Variants in GFRA1 observed in about 807,000 individuals in gnomAD.
GFRA1 encodes GDNF family receptor alpha 1.
Under a neutral mutation model 51.6 loss-of-function variants are expected in GFRA1, and 16 were observed. The observed-to-expected ratio is 0.31, with a 90% CI of 0.21 to 0.47. GFRA1 has a LOEUF of 0.47. Among genes scored for constraint, GFRA1 ranks in the 20% least tolerant of loss-of-function variants. The probability of loss-of-function intolerance (pLI) is 1.00; values close to 1 mark genes in which losing one functional copy is unlikely to be tolerated. For missense variants in GFRA1, 530 were observed against 594.3 expected (o/e 0.89, Z 1.13); for synonymous variants, 270 against 241.3 (o/e 1.12, Z -1.10).
chr10:116,271,654 C>T (rs1843949485), intron 2 of GFRA1, among the ~76,000 whole-genome samples: 1 of 152,192 alleles, frequency 6.6e-6, no homozygotes, highest in Non-Finnish European at 1.5e-5. Context: ...CCCCAATGCT[C>T]CCCAACTCCA....
At chr10:116,140,293 CAG>C (rs1239485849) in intron 5 of GFRA1, among the ~76,000 whole-genome samples, 1 of 152,186 alleles carries the variant, frequency 6.6e-6, no homozygotes, top group Non-Finnish European at 1.5e-5. Context: ...AAGGCTTTCT[CAG>C]AGTTTCTGTT....
At chr10:116,090,023 G>T in intron 8 of GFRA1, 101 bp from the exon 9 acceptor site, 1 of 1,092,498 alleles carries the variant, frequency 9.2e-7, no homozygotes, top group Non-Finnish European at 1.4e-6. Flanking sequence ...TCTGATTATA[G>T]CATTGGACTT....
intron 4 of GFRA1, among the ~76,000 whole-genome samples, chr10:116,217,400 G>A (rs1965635580): frequency 6.6e-6 from 1 of 152,248 alleles, no homozygotes; most frequent in South Asian, 2.1e-4. Context: ...CAGGCCACAA[G>A]TACTTTGTAG....
chr10:116,194,455 A>G (rs1327174704), intron 5 of GFRA1, among the ~76,000 whole-genome samples: 1 of 152,128 alleles, frequency 6.6e-6, no homozygotes, highest in East Asian at 1.9e-4. Flanking sequence ...ATCGAAAGGG[A>G]GTTTGAAAGG....
At chr10:116,078,928 C>G (rs1565558083) in intron 9 of GFRA1, among the ~76,000 whole-genome samples, 1 of 152,080 alleles carries the variant, frequency 6.6e-6, no homozygotes, top group Non-Finnish European at 1.5e-5. Flanking sequence ...GTTTTCTAAT[C>G]CCATTCAATC....
At chr10:116,111,274 ACTGT>A (rs1001003200) in intron 6 of GFRA1, among the ~76,000 whole-genome samples, 1 of 152,142 alleles carries the variant, frequency 6.6e-6, no homozygotes, top group African/African-American at 2.4e-5. Context: ...GAGACAACAG[ACTGT>A]CTACTTCTTC....
intron 4 of GFRA1, among the ~76,000 whole-genome samples, chr10:116,212,523 AACACAC>A (rs71010072): frequency 0.11 from 15,831 of 142,572 alleles, 1,019 homozygotes; most frequent in African/African-American, 0.18. Context: ...TCCGTCTCAA[AACACAC>A]ACACACACAC....
chr10:116,059,536 G>A lies in GFRA1; in HGVS notation c.*4862C>T, dbSNP rs192366990. On this transcript the variant is annotated 3_prime_UTR_variant, in exon 11 of 11. Transcript: ENST00000355422. ...CAGCTGCGCTGGTCAAATGAGCTTG[G>A]AGACCTTAGGGGGCTGAGACCTCAA... 2.6e-4 allele frequency: 40 copies of A among 152,432 alleles called. No individual in the cohort carries two copies. In the East Asian group the frequency reaches 7.5e-3, roughly 29 times the overall value. The allele number at this position is 152,432 out of a possible 1,614,324, so 9.4% of individuals were successfully genotyped here. A position where few individuals can be genotyped will look rare whatever the true frequency, so the allele number is the denominator to read the frequency against.
chr10:116,112,901 C>T (rs1410277116), intron 6 of GFRA1, among the ~76,000 whole-genome samples: 1 of 152,206 alleles, frequency 6.6e-6, no homozygotes, highest in Non-Finnish European at 1.5e-5. Flanking sequence ...GCAAGGCAGG[C>T]GCACACCCCA....
intron 4 of GFRA1, among the ~76,000 whole-genome samples, chr10:116,237,756 T>A (rs1967007149): frequency 6.6e-6 from 1 of 152,154 alleles, no homozygotes; most frequent in Non-Finnish European, 1.5e-5. Flanking sequence ...TGATTCTCCA[T>A]ACTTATTTAA....
intron 5 of GFRA1, among the ~76,000 whole-genome samples, chr10:116,209,177 C>A (rs1289837243): frequency 1.3e-5 from 2 of 152,190 alleles, no homozygotes; most frequent in African/African-American, 4.8e-5. Context: ...CACACTCTCA[C>A]GTGCACATGC....
At chr10:116,143,088 G>T (rs1213598899) in intron 5 of GFRA1, among the ~76,000 whole-genome samples, 1 of 152,162 alleles carries the variant, frequency 6.6e-6, no homozygotes, top group Non-Finnish European at 1.5e-5. Context: ...TGAACAGAAT[G>T]AAATAAGAAA....
chr10:116,229,383 A>G (rs1966540843), intron 4 of GFRA1, among the ~76,000 whole-genome samples: 1 of 152,114 alleles, frequency 6.6e-6, no homozygotes, highest in Admixed American at 6.5e-5. Context: ...ATGAGACTGC[A>G]AGTACAAATT....
intron 7 of GFRA1, among the ~76,000 whole-genome samples, chr10:116,096,414 C>T (rs1225541709): frequency 1.3e-5 from 2 of 152,180 alleles, no homozygotes; most frequent in Non-Finnish European, 2.9e-5. Context: ...CTTGCAGCCT[C>T]CCCACTCCTT....
chr10:116,160,865 G>C (rs1240375074), intron 5 of GFRA1, among the ~76,000 whole-genome samples: 1 of 152,184 alleles, frequency 6.6e-6, no homozygotes, highest in Non-Finnish European at 1.5e-5. Context: ...ACTTAGAAAG[G>C]AGGGCACCTG....
chr10:116,242,207 A>C (rs1374319755), intron 4 of GFRA1, among the ~76,000 whole-genome samples: 1 of 152,220 alleles, frequency 6.6e-6, no homozygotes, highest in Non-Finnish European at 1.5e-5. Flanking sequence ...TGAAAGCACA[A>C]TTATTTGCAG....
At chr10:116,100,818 C>T (rs538655504) in intron 6 of GFRA1, among the ~76,000 whole-genome samples, 92 of 152,166 alleles carry the variant, frequency 6.0e-4, no homozygotes, top group African/African-American at 2.2e-3. Context: ...AGCAAAGAAC[C>T]GAGGGCCGGA....
chr10:116,059,162 C>T lies in GFRA1; in HGVS notation c.*5236G>A, dbSNP rs562922140. 1 of 152,362 alleles carries T rather than the reference C, an allele frequency of 6.6e-6. No individual in the cohort carries two copies. The highest frequency in any genetic ancestry group is 2.1e-4 in the South Asian group (1 of 4,826). 9.4% of individuals were successfully genotyped at this position (152,362 alleles called of 1,614,324 possible). A position where few individuals can be genotyped will look rare whatever the true frequency, so the allele number is the denominator to read the frequency against. On this transcript the variant is annotated 3_prime_UTR_variant, in exon 11 of 11. Coordinates refer to ENST00000355422, the MANE Select transcript of GFRA1 (RefSeq NM_005264.8). ...GATGCCAATAGGCCAGTTCTTGCTA[C>T]CGTATGACAGAATAAAGCCCTTAAA...
At chr10:116,228,694 C>T (rs1413240521) in intron 4 of GFRA1, among the ~76,000 whole-genome samples, 1 of 151,928 alleles carries the variant, frequency 6.6e-6, no homozygotes, top group African/African-American at 2.4e-5. Flanking sequence ...TCAAGAAAGG[C>T]AGGTGGGGCC....
Sources: gnomAD v4.1 joint callset for allele counts (sites outside exome capture counted in the v4.1 genomes callset) on GRCh38, gnomAD v4.1.1 for gene constraint, MANE v1.5 for transcripts, NCBI Gene and HGNC (gene_info 2026-07-23, HGNC 2026-07-21) for gene names.